The following CACNA1E variants were observed in gnomAD, a reference collection of about 807,000 sequenced individuals.
The protein encoded by CACNA1E is voltage-dependent R-type calcium channel subunit alpha-1E.
CACNA1E carries 40 observed loss-of-function variants against 259.2 expected under a neutral mutation model. The observed-to-expected ratio is 0.15, with a 90% CI of 0.12 to 0.20. CACNA1E has a LOEUF of 0.20. Among genes scored for constraint, CACNA1E ranks in the 10% least tolerant of loss-of-function variants. The probability of loss-of-function intolerance (pLI) is 1.00; values close to 1 mark genes in which losing one functional copy is unlikely to be tolerated. For missense variants in CACNA1E, 1,874 were observed against 3,040.1 expected, an observed-to-expected ratio of 0.62 and a Z score of 9.02; for synonymous variants, 1,104 against 1,138.5, an observed-to-expected ratio of 0.97 and a Z score of 0.61.
intron 3 of CACNA1E, among the ~76,000 whole-genome samples, chr1:181,530,439 T>G (rs531769770): frequency 9.2e-5 from 14 of 152,350 alleles, no homozygotes; most frequent in African/African-American, 3.4e-4. Flanking sequence ...TACTTATGTG[T>G]AGCTGACAGT....
intron 7 of CACNA1E, among the ~76,000 whole-genome samples, chr1:181,709,863 A>G (rs114406853): frequency 3.0e-3 from 459 of 152,304 alleles, no homozygotes; most frequent in Non-Finnish European, 3.6e-3. Flanking sequence ...CACCTGAGCC[A>G]TGGCTGGGAG....
intron 6 of CACNA1E, among the ~76,000 whole-genome samples, chr1:181,650,669 T>A (rs1217493495): frequency 6.6e-6 from 1 of 152,198 alleles, no homozygotes; most frequent in Non-Finnish European, 1.5e-5. Context: ...TTGCATCTGA[T>A]TCATGATTCG....
At chr1:181,535,296 C>A (rs1668083700) in intron 3 of CACNA1E, among the ~76,000 whole-genome samples, 1 of 152,104 alleles carries the variant, frequency 6.6e-6, no homozygotes, top group African/African-American at 2.4e-5. Flanking sequence ...TGTTTCCCCT[C>A]CCCCATTTGT....
intron 1 of CACNA1E, among the ~76,000 whole-genome samples, chr1:181,409,365 C>T (rs1657687443): frequency 6.6e-6 from 1 of 152,164 alleles, no homozygotes; most frequent in South Asian, 2.1e-4. Context: ...CACTTCCACT[C>T]ACAACTCACT....
In CACNA1E at chr1:181,798,530, C is replaced by G. The variant is rs761599460; in HGVS notation, c.6638C>G (p.Ser2213Cys). The G allele has an allele frequency of 1.2e-6, 2 of 1,613,914 alleles. No homozygotes were observed. The highest frequency in any genetic ancestry group is 4.5e-5 in the East Asian group (2 of 44,870). Residue 2213 changes from serine (S) to cysteine (C), a missense_variant, in exon 48 of 48, where the codon TCT (serine) becomes TGT (cysteine). By Grantham distance (112) the Ser-to-Cys change is moderately radical. Around this residue, in one of 14 missense-constraint regions of CACNA1E, gnomAD observed 542 missense variants for 587.2 expected, o/e 0.92. Coordinates refer to ENST00000367573, the MANE Select transcript of CACNA1E (RefSeq NM_001205293.3). This position sits in a 1 kb window ranked among gnomAD's most constrained non-coding sequence, Gnocchi z 4.2. ...GCTTGCCTGACCGAGTCTTCCAACTCTCCGCACCCCCAGCAGAGCCAACAT... is the reference window on the plus strand; with the variant it reads ...GCTTGCCTGACCGAGTCTTCCAACTGTCCGCACCCCCAGCAGAGCCAACAT... ...NNACLTESSN[S>C]PHPQQSQHAS...
intron 1 of CACNA1E, among the ~76,000 whole-genome samples, chr1:181,389,688 G>T (rs1363231281): frequency 1.3e-5 from 2 of 152,210 alleles, no homozygotes; most frequent in Admixed American, 1.3e-4. Flanking sequence ...TCCTCAGATG[G>T]ACTCTCAGCT....
intron 1 of CACNA1E, among the ~76,000 whole-genome samples, chr1:181,337,950 A>G (rs761027849): frequency 1.3e-5 from 2 of 152,178 alleles, no homozygotes; most frequent in African/African-American, 2.4e-5. Context: ...GTTTTCCATA[A>G]TGATTGTACC....
chr1:181,510,458 CT>C lies in CACNA1E; in HGVS notation c.267-17del, dbSNP rs1558070596. On this transcript the variant is annotated intron_variant, in intron 1 of 47. Coordinates refer to ENST00000367573, the MANE Select transcript of CACNA1E (RefSeq NM_001205293.3). Reference sequence around the variant, plus strand: ...GTGTCCCTCTCTGGTGAATTTGTTCCTTAACTCCGCTTTCCCACGCCATTTG... The same window carrying C: ...GTGTCCCTCTCTGGTGAATTTGTTCCTAACTCCGCTTTCCCACGCCATTTG... 6.3e-7 allele frequency: 1 copy of C among 1,587,064 alleles called. No homozygotes were observed. Among genetic ancestry groups the C allele is most frequent in the Non-Finnish European group, 8.7e-7 (1 of 1,155,544 alleles).
chr1:181,408,695 T>G (rs1657635904), intron 1 of CACNA1E, among the ~76,000 whole-genome samples: 1 of 152,122 alleles, frequency 6.6e-6, no homozygotes, highest in South Asian at 2.1e-4. Context: ...TCCCCATAAT[T>G]TAAAATCACA....
At chr1:181,570,610 C>T (rs1291192974) in intron 3 of CACNA1E, among the ~76,000 whole-genome samples, 2 of 152,216 alleles carry the variant, frequency 1.3e-5, no homozygotes, top group African/African-American at 4.8e-5. Context: ...GGCTTTAGTT[C>T]GTTTCTTTGC....
chr1:181,767,326 T>C (rs1481956809), intron 35 of CACNA1E, among the ~76,000 whole-genome samples: 1 of 152,158 alleles, frequency 6.6e-6, no homozygotes, highest in African/African-American at 2.4e-5. Flanking sequence ...TCTTGGTGGG[T>C]GAATTCCTAC....
At chr1:181,340,718 T>C (rs2102631079) in intron 1 of CACNA1E, among the ~76,000 whole-genome samples, 1 of 152,320 alleles carries the variant, frequency 6.6e-6, no homozygotes, top group East Asian at 1.9e-4. Flanking sequence ...CTTATTGTGC[T>C]GATAGAAACT....
rs552522501 is a variant in CACNA1E, at chr1:181,460,651, C to T, written c.435-23093C>T. On this transcript the variant is annotated intron_variant, in intron 2 of 11. Transcript: ENST00000524607. ...CCCTCAGGAGGAAGGAGCTTGGGTT[C>T]AGCTCCTAGTTGAATCAAGTAACTC... Among the ~76,000 whole-genome samples, 14 of 152,312 alleles carry T rather than the reference C, an allele frequency of 9.2e-5. No individual in the cohort carries two copies. In the South Asian group the frequency reaches 2.9e-3, roughly 32 times the overall value.
intron 6 of CACNA1E, among the ~76,000 whole-genome samples, chr1:181,621,807 G>A (rs1655747497): frequency 6.6e-6 from 1 of 152,142 alleles, no homozygotes; most frequent in South Asian, 2.1e-4. Flanking sequence ...CCGAGAGACT[G>A]AGTGACCTAT....
chr1:181,537,764 A>C (rs1320413538), intron 3 of CACNA1E, among the ~76,000 whole-genome samples: 1 of 152,246 alleles, frequency 6.6e-6, no homozygotes, highest in Non-Finnish European at 1.5e-5. Flanking sequence ...CTGTGCAAAC[A>C]CATCTAATGC....
chr1:181,761,614 TTCTC>T (rs1203587116), intron 32 of CACNA1E, among the ~76,000 whole-genome samples: 4 of 152,234 alleles, frequency 2.6e-5, no homozygotes, highest in African/African-American at 9.6e-5. Flanking sequence ...TCCTGGTACT[TTCTC>T]TGTCTCCTCT....
intron 24 of CACNA1E, among the ~76,000 whole-genome samples, chr1:181,738,750 G>A (rs1656291352): frequency 1.3e-5 from 2 of 152,208 alleles, no homozygotes; most frequent in African/African-American, 2.4e-5. Flanking sequence ...CAAGGCAAAG[G>A]GCTAGGTAGA....
At chr1:181,763,116 T>A (rs1214748481) in intron 33 of CACNA1E, among the ~76,000 whole-genome samples, 1 of 152,134 alleles carries the variant, frequency 6.6e-6, no homozygotes, top group Non-Finnish European at 1.5e-5. Flanking sequence ...TTTTTGGCAT[T>A]TAAGTGCAGA....
intron 2 of CACNA1E, among the ~76,000 whole-genome samples, chr1:181,475,810 AG>A (rs1448193106): frequency 1.3e-5 from 2 of 152,174 alleles, no homozygotes; most frequent in East Asian, 3.9e-4. Flanking sequence ...TCTGGGGATG[AG>A]GGACAATCCA....
Sources: allele counts gnomAD v4.1 joint callset (sites outside exome capture counted in the v4.1 genomes callset), GRCh38; gene constraint gnomAD v4.1.1; regional missense constraint gnomAD v4.1.1; non-coding constraint Gnocchi (gnomAD v3.1); transcripts MANE v1.5; gene names NCBI Gene and HGNC (gene_info 2026-07-23, HGNC 2026-07-21).